Variants in USP7 observed in about 807,000 individuals in gnomAD.
USP7 encodes the protein ubiquitin specific peptidase 7, also known as ubiquitin C-terminal hydrolase 7.
In USP7, 9 loss-of-function variants were observed where a neutral mutation model predicts 162.9. The ratio of observed to expected loss-of-function variants is 0.06; its 90% CI spans 0.03 to 0.10. USP7 has a LOEUF of 0.10. Among genes scored for constraint, USP7 ranks in the 10% least tolerant of loss-of-function variants. The probability of loss-of-function intolerance (pLI) is 1.00; values close to 1 mark genes in which losing one functional copy is unlikely to be tolerated. For synonymous variants in USP7, 562 were observed against 475.9 expected (o/e 1.18, Z -2.35); for missense variants, 715 against 1,373.7 (o/e 0.52, Z 7.58).
At chr16:8,941,994 CTGGCAAGCACAGAGTGGCAAATTCTG>C (rs1275698182) in intron 1 of USP7, among the ~76,000 whole-genome samples, 2 of 152,202 alleles carry the variant, frequency 1.3e-5, no homozygotes, top group East Asian at 1.9e-4. Flanking sequence ...GAGGAGACAA[CTGGCAAGCACAGAGTGGCAAATTCTG>C]TGGCAAGCAC....
chr16:8,897,371 G>A, intron 25 of USP7: 3 of 408,232 alleles, frequency 7.3e-6, no homozygotes, highest in East Asian at 4.6e-5. Flanking sequence ...ACCTTCTCAG[G>A]AAATGGTCCC....
At chr16:8,902,868 C>A (rs1366028911) in intron 16 of USP7, among the ~76,000 whole-genome samples, 1 of 151,818 alleles carries the variant, frequency 6.6e-6, no homozygotes, top group Non-Finnish European at 1.5e-5. Flanking sequence ...AAGAGTGAAA[C>A]TCTGTCTCAA....
At position 8,912,720 on chromosome 16, in the gene USP7, C is replaced by G. The variant is rs561740086; in HGVS notation, c.1079-1893G>C. Among the ~76,000 whole-genome samples, 5 of 151,370 alleles carry G rather than the reference C, an allele frequency of 3.3e-5. No individual in the cohort carries two copies. The South Asian group carries it at 1.1e-3, about 32-fold the overall frequency. ...GCAGACTGATTGGGCACAGGACCTC[C>G]GAGACTAGCCTGGCCTAACACAGCA... On this transcript the variant is annotated intron_variant, in intron 10 of 30. Transcript: ENST00000344836.
chr16:8,912,385 G>C (rs528992524), intron 10 of USP7, among the ~76,000 whole-genome samples: 4 of 151,816 alleles, frequency 2.6e-5, no homozygotes, highest in African/African-American at 9.7e-5. Flanking sequence ...AGGAGACAAA[G>C]GTTGTAGTGA....
intron 25 of USP7, among the ~76,000 whole-genome samples, chr16:8,897,746 T>TATATATATATATAA (rs71155416): frequency 5.8e-5 from 6 of 103,032 alleles, no homozygotes; most frequent in African/African-American, 2.4e-4. Context: ...TATATATATA[T>TATATATATATATAA]AAATGAGTTG....
chr16:8,940,728 A>G (rs1464018887), intron 1 of USP7, among the ~76,000 whole-genome samples: 2 of 152,164 alleles, frequency 1.3e-5, no homozygotes, highest in Admixed American at 1.3e-4. Context: ...GTGGAGTGAG[A>G]TCAATCCCCT....
chr16:8,950,969 A>G (rs1899519933), intron 1 of USP7, among the ~76,000 whole-genome samples: 1 of 152,166 alleles, frequency 6.6e-6, no homozygotes, highest in South Asian at 2.1e-4. Context: ...TCAAGCTAAG[A>G]TCTGTGCACA....
intron 1 of USP7, among the ~76,000 whole-genome samples, chr16:8,937,879 G>C (rs909180948): frequency 2.0e-5 from 3 of 152,182 alleles, no homozygotes; most frequent in African/African-American, 4.8e-5. Flanking sequence ...AGTCTGGGGA[G>C]CTTGCATCTA....
rs575344806 is a variant in USP7 at position 8,918,923 on chromosome 16, C to A, written c.720+108G>T. The A allele has an allele frequency of 1.4e-4, 151 of 1,081,246 alleles. 2 individuals are homozygous for A. The South Asian group carries it at 1.7e-3, about 12-fold the overall frequency. 67.0% of individuals were successfully genotyped at this position (1,081,246 alleles called of 1,614,324 possible). On this transcript the variant is annotated intron_variant, in intron 6 of 30. Coordinates refer to ENST00000344836, the MANE Select transcript of USP7 (RefSeq NM_003470.3). The stretch of plus-strand genomic sequence containing the variant: ...ATGAACTAGCAGCCATCTGAGGAGA[C>A]AGGGCCAGGGGAGGGAGACGCCATG...
At chr16:8,932,357 G>A (rs909761901) in intron 1 of USP7, among the ~76,000 whole-genome samples, 2 of 152,096 alleles carry the variant, frequency 1.3e-5, no homozygotes, top group African/African-American at 4.8e-5. Flanking sequence ...CTTGAGCCCA[G>A]GAGTTTGAGA....
At chr16:8,935,052 T>C (rs1035018978) in intron 1 of USP7, among the ~76,000 whole-genome samples, 2 of 152,242 alleles carry the variant, frequency 1.3e-5, no homozygotes, top group Admixed American at 6.5e-5. Context: ...CTGCCTTCTT[T>C]TATTGTTCAA....
intron 1 of USP7, among the ~76,000 whole-genome samples, chr16:8,953,267 T>A (rs1446067581): frequency 6.6e-6 from 1 of 152,096 alleles, no homozygotes; most frequent in Non-Finnish European, 1.5e-5. Context: ...CCTGCACACG[T>A]GTTCAGGGCT....
chr16:8,928,041 G>C lies in USP7; in HGVS notation c.184+2252C>G, dbSNP rs372225595. ...TCATCTCATGAAAAATAGTGAATAA[G>C]GAACTAAAAGTAGAATGAGTAGATA... On this transcript the variant is annotated intron_variant, in intron 2 of 30. Transcript: ENST00000344836. 7.9e-5 allele frequency among the ~76,000 whole-genome samples: 12 copies of C among 152,270 alleles called. No homozygotes were observed. The East Asian group carries it at 9.6e-4, about 12-fold the overall frequency.
chr16:8,939,130 T>A (rs1898915032), intron 1 of USP7, among the ~76,000 whole-genome samples: 1 of 152,218 alleles, frequency 6.6e-6, no homozygotes, highest in South Asian at 2.1e-4. Flanking sequence ...TACATGTACT[T>A]ACGTGTATTT....
At chr16:8,948,968 A>G (rs565780855) in intron 1 of USP7, among the ~76,000 whole-genome samples, 213 of 147,052 alleles carry the variant, frequency 1.4e-3, no homozygotes, top group African/African-American at 4.6e-3. Flanking sequence ...CCCAAAGGGG[A>G]AAAAAAAAAG....
chr16:8,938,648 T>G (rs1415112783), intron 1 of USP7, among the ~76,000 whole-genome samples: 1 of 151,414 alleles, frequency 6.6e-6, no homozygotes, highest in Non-Finnish European at 1.5e-5. Flanking sequence ...GGAAGCAGAG[T>G]TGCAGTGAGC....
Position 8,910,979 on chromosome 16 carries a change from G to T in USP7, c.1079-152C>A. On this transcript the variant is annotated intron_variant, in intron 10 of 30. Transcript: ENST00000344836. ...TCTCCCCCTGTAGCCAAGACTGTAG[G>T]TAAATGTGCTGTTAGCACCTTTGCT... is the stretch of plus-strand genomic sequence containing the variant. 3 of 669,162 alleles carry T rather than the reference G, an allele frequency of 4.5e-6. No homozygotes were observed. The South Asian group carries it at 5.5e-5, about 12-fold the overall frequency. 41.5% of individuals were successfully genotyped at this position (669,162 alleles called of 1,614,324 possible).
chr16:8,894,535 G>C lies in USP7; in HGVS notation c.3202+15C>G, dbSNP rs1567203380. On this transcript the variant is annotated intron_variant, in intron 30 of 30. Transcript: ENST00000344836. Reference sequence around the variant, plus strand: ...TGAAACCCACACCAGCCCCCGGGGGGGGGAGAACCCTTACCGGGCTGTGGC... The same window carrying C: ...TGAAACCCACACCAGCCCCCGGGGGCGGGAGAACCCTTACCGGGCTGTGGC... The C allele has an allele frequency of 1.9e-6, 3 of 1,610,136 alleles. No individual in the cohort carries two copies. In the African/African-American group the frequency reaches 4.0e-5, roughly 22 times the overall value.
intron 1 of USP7, among the ~76,000 whole-genome samples, chr16:8,946,024 C>T (rs1175983716): frequency 6.6e-6 from 1 of 152,118 alleles, no homozygotes; most frequent in African/African-American, 2.4e-5. Flanking sequence ...GAAACAGATC[C>T]CATTTGATTT....
Sources: gnomAD v4.1 joint callset for allele counts (sites outside exome capture counted in the v4.1 genomes callset) on GRCh38, gnomAD v4.1.1 for gene constraint, MANE v1.5 for transcripts, NCBI Gene and HGNC (gene_info 2026-07-23, HGNC 2026-07-21) for gene names.